The following CCDC85A variants were observed in gnomAD, a reference collection of about 807,000 sequenced individuals.
CCDC85A encodes coiled-coil domain-containing protein 85A.
A neutral mutation model predicts 50.2 loss-of-function variants in CCDC85A; 38 were observed. That is an observed-to-expected ratio of 0.76 (90% confidence interval 0.58 to 0.99). The LOEUF (loss-of-function observed/expected upper bound fraction) is 0.99, where lower values mean the gene tolerates loss of function less well. Among genes scored for constraint, CCDC85A ranks in the 50% least tolerant of loss-of-function variants. The probability of loss-of-function intolerance (pLI) is 0.00; values close to 1 mark genes in which losing one functional copy is unlikely to be tolerated. For synonymous variants in CCDC85A, 366 were observed against 301.4 expected, an observed-to-expected ratio of 1.21 and a Z score of -2.22; for missense variants, 820 against 742.0, an observed-to-expected ratio of 1.11 and a Z score of -1.22.
At chr2:56,351,029 A>T (rs1288529369) in intron 3 of CCDC85A, among the ~76,000 whole-genome samples, 1 of 95,358 alleles carries the variant, frequency 1.0e-5, no homozygotes, top group African/African-American at 4.3e-5. Flanking sequence ...CAGTCCCCAG[A>T]GTGTGATGTT....
At chr2:56,194,720 T>G (rs1676457651) in intron 2 of CCDC85A, among the ~76,000 whole-genome samples, 1 of 152,206 alleles carries the variant, frequency 6.6e-6, no homozygotes, top group African/African-American at 2.4e-5. Flanking sequence ...TTGGGAAAGA[T>G]GAGAGGCTAC....
intron 2 of CCDC85A, among the ~76,000 whole-genome samples, chr2:56,230,384 A>G (rs919583278): frequency 2.6e-5 from 4 of 152,164 alleles, no homozygotes; most frequent in Non-Finnish European, 5.9e-5. Context: ...TACTCTCTTA[A>G]TTAGTCATTG....
rs541738094 is a variant in CCDC85A, at chr2:56,244,959, T to G, written c.1240+51519T>G. On this transcript the variant is annotated intron_variant, in intron 2 of 5. Coordinates refer to ENST00000407595, the MANE Select transcript of CCDC85A (RefSeq NM_001080433.2). ...ATCCAACTTTCAGAACAAAGTCCTG[T>G]TTACTCTTCCTTCTCCTCTCCTCAA... Among the ~76,000 whole-genome samples, 6 of 152,100 alleles carry G rather than the reference T, an allele frequency of 3.9e-5. No homozygotes were observed. The South Asian group carries it at 1.0e-3, about 26-fold the overall frequency.
chr2:56,327,148 T>A (rs1673512462), intron 2 of CCDC85A, among the ~76,000 whole-genome samples: 1 of 152,198 alleles, frequency 6.6e-6, no homozygotes. Context: ...AATTGCAACG[T>A]AATATACATA....
chr2:56,198,343 G>C (rs936199873), intron 2 of CCDC85A, among the ~76,000 whole-genome samples: 2 of 152,190 alleles, frequency 1.3e-5, no homozygotes, highest in African/African-American at 4.8e-5. Context: ...TACAGTTATG[G>C]AACACCAGAA....
chr2:56,240,332 T>A (rs1669200181), intron 2 of CCDC85A, among the ~76,000 whole-genome samples: 2 of 152,186 alleles, frequency 1.3e-5, no homozygotes, highest in Admixed American at 1.3e-4. Flanking sequence ...TATAACCGAG[T>A]AACTAATGGG....
At chr2:56,208,670 G>A (rs1430201944) in intron 2 of CCDC85A, among the ~76,000 whole-genome samples, 1 of 151,954 alleles carries the variant, frequency 6.6e-6, no homozygotes, top group Non-Finnish European at 1.5e-5. Context: ...GATTTTATAG[G>A]CTTCAGGCTA....
chr2:56,298,944 C>A (rs1672079642), intron 2 of CCDC85A, among the ~76,000 whole-genome samples: 2 of 152,124 alleles, frequency 1.3e-5, no homozygotes, highest in African/African-American at 4.8e-5. Context: ...AGGACAGGAT[C>A]AAAGGTACAA....
At chr2:56,380,668 C>A (rs890007004) in intron 5 of CCDC85A, among the ~76,000 whole-genome samples, 1 of 152,036 alleles carries the variant, frequency 6.6e-6, no homozygotes, top group Non-Finnish European at 1.5e-5. Flanking sequence ...GTTATTTTCA[C>A]GTGCATATTC....
At chr2:56,253,714 G>T (rs1669866799) in intron 2 of CCDC85A, among the ~76,000 whole-genome samples, 1 of 152,188 alleles carries the variant, frequency 6.6e-6, no homozygotes, top group Admixed American at 6.5e-5. Context: ...TTCAAGAGAT[G>T]TTTCGGAGCA....
At chr2:56,257,995 G>A (rs2104013061) in intron 2 of CCDC85A, among the ~76,000 whole-genome samples, 1 of 152,302 alleles carries the variant, frequency 6.6e-6, no homozygotes, top group Non-Finnish European at 1.5e-5. Flanking sequence ...CTATTATAAT[G>A]GGTTTGGATT....
intron 2 of CCDC85A, among the ~76,000 whole-genome samples, chr2:56,222,343 ATG>A (rs1159426142): frequency 1.3e-5 from 2 of 152,268 alleles, no homozygotes; most frequent in African/African-American, 4.8e-5. Flanking sequence ...ATATAGCATA[ATG>A]TTTTGATATA....
chr2:56,286,564 T>G (rs774495063), intron 2 of CCDC85A, among the ~76,000 whole-genome samples: 2 of 152,210 alleles, frequency 1.3e-5, no homozygotes, highest in Non-Finnish European at 2.9e-5. Flanking sequence ...TTGGCTTTCT[T>G]TTATATATTT....
intron 2 of CCDC85A, among the ~76,000 whole-genome samples, chr2:56,232,781 A>G (rs969514953): frequency 7.2e-5 from 11 of 152,102 alleles, no homozygotes; most frequent in African/African-American, 9.7e-5. Context: ...CATCTTTATT[A>G]TAACTACCCT....
At chr2:56,271,173 G>T (rs988564036) in intron 2 of CCDC85A, among the ~76,000 whole-genome samples, 4 of 152,156 alleles carry the variant, frequency 2.6e-5, no homozygotes, top group Non-Finnish European at 5.9e-5. Flanking sequence ...CTAAACAGAA[G>T]TTATGAGGCA....
chr2:56,185,495 C>A (rs1274194603), intron 1 of CCDC85A, among the ~76,000 whole-genome samples: 2 of 152,210 alleles, frequency 1.3e-5, no homozygotes, highest in African/African-American at 4.8e-5. Flanking sequence ...TTCCCTCTCC[C>A]GGAGTTTGGA....
chr2:56,321,396 A>G (rs896823565), intron 2 of CCDC85A, among the ~76,000 whole-genome samples: 11 of 152,142 alleles, frequency 7.2e-5, no homozygotes, highest in African/African-American at 2.7e-4. Context: ...AGAAAACCCC[A>G]TCATTCAGCT....
intron 2 of CCDC85A, 142 bp from the exon 3 acceptor site, chr2:56,342,737 C>T: frequency 5.9e-6 from 3 of 511,282 alleles, no homozygotes; most frequent in Non-Finnish European, 3.5e-6. Context: ...TCTTATTTTT[C>T]TGGGAGATAT....
At chr2:56,227,957 C>G (rs549860416) in intron 2 of CCDC85A, among the ~76,000 whole-genome samples, 1 of 152,154 alleles carries the variant, frequency 6.6e-6, no homozygotes, top group Admixed American at 6.5e-5. Context: ...TGTTGTGAGC[C>G]TATACTGTGA....
Sources: gnomAD v4.1 joint callset for allele counts (sites outside exome capture counted in the v4.1 genomes callset) on GRCh38, gnomAD v4.1.1 for gene constraint, MANE v1.5 for transcripts, NCBI Gene and HGNC (gene_info 2026-07-23, HGNC 2026-07-21) for gene names.